ASIC2: variants seen among roughly 807,000 people sequenced by gnomAD.
ASIC2 encodes the protein acid-sensing ion channel 2.
Under a neutral mutation model 57.3 loss-of-function variants are expected in ASIC2, and 25 were observed. That is an observed-to-expected ratio of 0.44 (90% CI 0.32 to 0.61). The LOEUF (loss-of-function observed/expected upper bound fraction) is 0.61, where lower values mean the gene tolerates loss of function less well. Ranked by LOEUF, ASIC2 falls within the 20% of genes least tolerant of loss-of-function variation. ASIC2 has a pLI of 0.06. For missense variants in ASIC2, 641 were observed against 738.1 expected, an observed-to-expected ratio of 0.87 and a Z score of 1.52; for synonymous variants, 319 against 307.5, an observed-to-expected ratio of 1.04 and a Z score of -0.39.
At chr17:33,415,608 C>T (rs1410833771) in intron 1 of ASIC2, among the ~76,000 whole-genome samples, 1 of 151,958 alleles carries the variant, frequency 6.6e-6, no homozygotes, top group East Asian at 1.9e-4. Flanking sequence ...CTGCAGCAGC[C>T]AGTCAGTATG....
chr17:33,269,796 A>G (rs893224637), intron 1 of ASIC2, among the ~76,000 whole-genome samples: 1 of 120,066 alleles, frequency 8.3e-6, no homozygotes, highest in Non-Finnish European at 1.8e-5. Flanking sequence ...TAGTTTGTGC[A>G]TTTAAAAACA....
chr17:33,994,053 G>A (rs1473822668), intron 1 of ASIC2, among the ~76,000 whole-genome samples: 1 of 152,124 alleles, frequency 6.6e-6, no homozygotes, highest in East Asian at 1.9e-4. Context: ...ACTTAGACAT[G>A]TATTAGATTA....
At chr17:33,162,857 G>A (rs1024362265) in intron 1 of ASIC2, among the ~76,000 whole-genome samples, 1 of 152,192 alleles carries the variant, frequency 6.6e-6, no homozygotes, top group Non-Finnish European at 1.5e-5. Context: ...TCACTCTGTG[G>A]TTCATCTGAA....
chr17:33,748,864 C>T (rs1910343976), intron 1 of ASIC2, among the ~76,000 whole-genome samples: 1 of 152,220 alleles, frequency 6.6e-6, no homozygotes, highest in Non-Finnish European at 1.5e-5. Flanking sequence ...ATGCGAGAGC[C>T]ACGCAGGAGC....
intron 1 of ASIC2, among the ~76,000 whole-genome samples, chr17:33,972,290 A>G (rs1905246436): frequency 6.6e-6 from 1 of 152,208 alleles, no homozygotes; most frequent in Non-Finnish European, 1.5e-5. Context: ...ACCAATATAC[A>G]TTTGACGATT....
chr17:34,121,403 C>T (rs1323725330), intron 1 of ASIC2, among the ~76,000 whole-genome samples: 1 of 152,052 alleles, frequency 6.6e-6, no homozygotes, highest in Non-Finnish European at 1.5e-5. Context: ...CACCCTTGTC[C>T]CAGTATTACC....
intron 1 of ASIC2, among the ~76,000 whole-genome samples, chr17:33,214,552 A>C (rs145699275): frequency 6.6e-6 from 1 of 152,322 alleles, no homozygotes; most frequent in Non-Finnish European, 1.5e-5. Flanking sequence ...GAAGCATACC[A>C]TCATCTTCAA....
At chr17:33,097,803 C>T (rs1261959305) in intron 2 of ASIC2, among the ~76,000 whole-genome samples, 1 of 152,226 alleles carries the variant, frequency 6.6e-6, no homozygotes, top group Non-Finnish European at 1.5e-5. Context: ...GTCGCAGCCC[C>T]AGCCTTGAGA....
chr17:33,710,180 C>G (rs1412115737), intron 1 of ASIC2, among the ~76,000 whole-genome samples: 2 of 152,244 alleles, frequency 1.3e-5, no homozygotes, highest in African/African-American at 2.4e-5. Flanking sequence ...CAACGGCAAG[C>G]CATGTGGCAA....
intron 1 of ASIC2, among the ~76,000 whole-genome samples, chr17:33,559,220 C>T (rs1915999298): frequency 6.6e-6 from 1 of 152,186 alleles, no homozygotes; most frequent in Non-Finnish European, 1.5e-5. Flanking sequence ...ACAGCCCTTC[C>T]TGGTAAGCTT....
At chr17:33,814,708 T>G (rs1388009910) in intron 1 of ASIC2, among the ~76,000 whole-genome samples, 1 of 152,202 alleles carries the variant, frequency 6.6e-6, no homozygotes, top group Admixed American at 6.5e-5. Context: ...TGCGTGTGAG[T>G]GGCACATATG....
intron 1 of ASIC2, among the ~76,000 whole-genome samples, chr17:33,739,987 AAAG>A (rs945240108): frequency 1.5e-4 from 22 of 142,612 alleles, no homozygotes; most frequent in African/African-American, 6.7e-4. Flanking sequence ...AAGAAAGAAA[AAAG>A]AAAGAAAGAA....
At chr17:33,689,410 C>T (rs775457153) in intron 1 of ASIC2, among the ~76,000 whole-genome samples, 22 of 152,318 alleles carry the variant, frequency 1.4e-4, no homozygotes, top group African/African-American at 3.8e-4. Context: ...AACCTCTACA[C>T]GCTAGATGCC....
At chr17:33,154,894 G>C (rs1366072174) in intron 1 of ASIC2, among the ~76,000 whole-genome samples, 1 of 152,232 alleles carries the variant, frequency 6.6e-6, no homozygotes, top group Non-Finnish European at 1.5e-5. Flanking sequence ...TGTGAGGCTG[G>C]AAGAGGAGTT....
At position 33,246,393 on chromosome 17, in the gene ASIC2, G is replaced by A. The variant is rs116309101; in HGVS notation, c.708+45015C>T. On this transcript the variant is annotated intron_variant, in intron 1 of 9. Transcript: ENST00000225823. The stretch of plus-strand genomic sequence containing the variant: ...GGATGAAACGCCATGTGTAAAGAGC[G>A]CCTAACACACTGTGCTCTCCATAAA... 2.6e-3 allele frequency among the ~76,000 whole-genome samples: 401 copies of A among 152,282 alleles called. 4 individuals carry two copies. Among genetic ancestry groups the A allele is most frequent in the African/African-American group, 9.0e-3 (372 of 41,548 alleles).
In ASIC2 at chr17:33,407,498, C is replaced by A. The variant is rs540247334; in HGVS notation, c.556-295431G>T. Among the ~76,000 whole-genome samples, 4 of 152,302 alleles carry A rather than the reference C, an allele frequency of 2.6e-5. No individual in the cohort carries two copies. In the South Asian group the frequency reaches 8.3e-4, roughly 32 times the overall value. ...TTCTTCCCATCCCCAGAACCATCCTCCTGATACTCCCATAATGCATCACTC... is the reference window on the plus strand; with the variant it reads ...TTCTTCCCATCCCCAGAACCATCCTACTGATACTCCCATAATGCATCACTC... On this transcript the variant is annotated intron_variant, in intron 1 of 9. Coordinates refer to the ASIC2 transcript ENST00000359872.
intron 1 of ASIC2, among the ~76,000 whole-genome samples, chr17:33,143,406 T>C (rs916212984): frequency 6.6e-6 from 1 of 152,226 alleles, no homozygotes; most frequent in African/African-American, 2.4e-5. Flanking sequence ...AAGTGCAATT[T>C]ATTGAACACC....
chr17:33,168,220 T>C (rs904787671), intron 1 of ASIC2, among the ~76,000 whole-genome samples: 16 of 152,242 alleles, frequency 1.1e-4, no homozygotes, highest in Non-Finnish European at 1.5e-5. Context: ...TAGTTCTTTA[T>C]AAATTATGCA....
chr17:33,618,750 A>C (rs1374003946), intron 1 of ASIC2, among the ~76,000 whole-genome samples: 2 of 152,056 alleles, frequency 1.3e-5, no homozygotes, highest in African/African-American at 2.4e-5. Flanking sequence ...CTGTCTCTTC[A>C]TATTTGTCTT....
Sources: gnomAD v4.1 joint callset for allele counts (sites outside exome capture counted in the v4.1 genomes callset) on GRCh38, gnomAD v4.1.1 for gene constraint, MANE v1.5 for transcripts, NCBI Gene and HGNC (gene_info 2026-07-23, HGNC 2026-07-21) for gene names.